Variants in GRB2 observed in about 807,000 individuals in gnomAD.
GRB2 encodes growth factor receptor-bound protein 2.
GRB2 carries 2 observed loss-of-function variants against 27.4 expected under a neutral mutation model. The observed-to-expected ratio is 0.07, with a 90% CI of 0.03 to 0.23. GRB2 has a LOEUF of 0.23. Ranked by LOEUF, GRB2 falls within the 10% of genes least tolerant of loss-of-function variation. The pLI is 1.00. For synonymous variants in GRB2, 94 were observed against 99.6 expected (o/e 0.94, Z 0.33); for missense variants, 102 against 282.4 (o/e 0.36, Z 4.58).
chr17:75,338,924 T>G, intron 2 of GRB2: 1 of 970,170 alleles, frequency 1.0e-6, no homozygotes, highest in Non-Finnish European at 1.7e-6. Context: ...AAGGATTCTC[T>G]GTATGCCCAG....
intron 2 of GRB2, among the ~76,000 whole-genome samples, chr17:75,392,664 AG>A (rs34646033): frequency 6.6e-6 from 1 of 152,234 alleles, no homozygotes; most frequent in African/African-American, 2.4e-5. Context: ...CTTGAGACAC[AG>A]GGAACACTCA....
intron 2 of GRB2, among the ~76,000 whole-genome samples, chr17:75,368,453 TGA>T (rs2078834519): frequency 6.6e-6 from 1 of 151,830 alleles, no homozygotes; most frequent in Non-Finnish European, 1.5e-5. Flanking sequence ...CTCAAACTCT[TGA>T]CCTCGTGATC....
intron 4 of GRB2, 70 bp downstream of exon 4, chr17:75,325,828 T>C: frequency 6.5e-7 from 1 of 1,534,026 alleles, no homozygotes; most frequent in African/African-American, 1.4e-5. Flanking sequence ...GCCAGGCACC[T>C]GACCAACGGC....
At chr17:75,327,898 C>A (rs2078510720) in intron 3 of GRB2, among the ~76,000 whole-genome samples, 1 of 152,052 alleles carries the variant, frequency 6.6e-6, no homozygotes, top group South Asian at 2.1e-4. Context: ...TACTCTACTG[C>A]CAGGATGCTG....
chr17:75,348,701 G>T (rs1029830034), intron 2 of GRB2, among the ~76,000 whole-genome samples: 1 of 152,158 alleles, frequency 6.6e-6, no homozygotes, highest in Non-Finnish European at 1.5e-5. Flanking sequence ...TAGAGACAGG[G>T]TCTTACTCTG....
At chr17:75,388,853 T>C (rs1284682888) in intron 2 of GRB2, among the ~76,000 whole-genome samples, 5 of 152,222 alleles carry the variant, frequency 3.3e-5, no homozygotes, top group East Asian at 3.9e-4. Flanking sequence ...GGCTCTCCAC[T>C]GATCTTCTCC....
At chr17:75,332,345 C>T (rs1489077542) in intron 3 of GRB2, among the ~76,000 whole-genome samples, 1 of 152,060 alleles carries the variant, frequency 6.6e-6, no homozygotes, top group Non-Finnish European at 1.5e-5. Context: ...ACAGCATTAG[C>T]ACATATAAAC....
intron 1 of GRB2, chr17:75,404,888 T>C (rs1403366167): frequency 6.6e-6 from 1 of 152,136 alleles, no homozygotes; most frequent in African/African-American, 2.4e-5. Context: ...GCGCCCGCTC[T>C]CGCCGCAATC....
rs566222372 is a variant in GRB2, at chr17:75,392,827, C to G, written c.78+724G>C. 1.1e-3 allele frequency among the ~76,000 whole-genome samples: 170 copies of G among 152,288 alleles called. 2 individuals are homozygous for G. The highest frequency in any genetic ancestry group is 4.0e-3 in the African/African-American group (168 of 41,544). ...AACATGTGCTGGGGGAGAGCGAATC[C>G]TCACATAAATAGTGGGGCTCAAAAT... On this transcript the variant is annotated intron_variant, in intron 2 of 5. Coordinates refer to ENST00000316804, the MANE Select transcript of GRB2 (RefSeq NM_002086.5).
intron 3 of GRB2, among the ~76,000 whole-genome samples, chr17:75,327,497 A>T (rs1222942452): frequency 6.6e-6 from 1 of 151,576 alleles, no homozygotes; most frequent in Admixed American, 6.6e-5. Flanking sequence ...CAGCTTCCCT[A>T]GTAGCTGGGA....
At chr17:75,340,640 G>C (rs1330038895) in intron 2 of GRB2, among the ~76,000 whole-genome samples, 1 of 152,130 alleles carries the variant, frequency 6.6e-6, no homozygotes, top group Non-Finnish European at 1.5e-5. Flanking sequence ...GCCTGATTAC[G>C]TATTTTATTA....
At chr17:75,356,447 G>A (rs2078734409) in intron 2 of GRB2, among the ~76,000 whole-genome samples, 1 of 152,152 alleles carries the variant, frequency 6.6e-6, no homozygotes, top group Admixed American at 6.5e-5. Flanking sequence ...GGTCGAGGCT[G>A]CAATGAGCCA....
At chr17:75,400,749 C>T (rs34472315) in intron 1 of GRB2, among the ~76,000 whole-genome samples, 2,538 of 152,164 alleles carry the variant, frequency 0.017, 26 homozygotes, top group Non-Finnish European at 0.026. Flanking sequence ...TCAAGTGATC[C>T]GCCCACCTCG....
intron 4 of GRB2, among the ~76,000 whole-genome samples, chr17:75,323,371 C>T (rs1462106003): frequency 2.0e-5 from 3 of 152,260 alleles, no homozygotes; most frequent in African/African-American, 2.4e-5. Context: ...GTATATTCCA[C>T]GGCACTTCTG....
chr17:75,375,565 A>G (rs112758001), intron 2 of GRB2, among the ~76,000 whole-genome samples: 14 of 152,280 alleles, frequency 9.2e-5, no homozygotes, highest in African/African-American at 2.9e-4. Flanking sequence ...AAATCATACA[A>G]AGTATGTTCT....
chr17:75,377,588 CCT>C (rs1308686716), intron 2 of GRB2, among the ~76,000 whole-genome samples: 1 of 120,260 alleles, frequency 8.3e-6, no homozygotes, highest in Non-Finnish European at 1.7e-5. Flanking sequence ...AGAGCGAGAC[CCT>C]GTCTCAGAAA....
intron 2 of GRB2, among the ~76,000 whole-genome samples, chr17:75,365,318 C>T: frequency 6.6e-6 from 1 of 152,130 alleles, no homozygotes; most frequent in East Asian, 1.9e-4. Context: ...AAAAACAAAA[C>T]CCCGAAACCT....
chr17:75,375,903 T>C (rs1296445003), intron 2 of GRB2, among the ~76,000 whole-genome samples: 3 of 151,468 alleles, frequency 2.0e-5, no homozygotes, highest in Non-Finnish European at 2.9e-5. Context: ...TGGGCGCCTG[T>C]AGTCCCAGCT....
At chr17:75,364,083 G>T (rs1252674706) in intron 2 of GRB2, among the ~76,000 whole-genome samples, 32 of 151,950 alleles carry the variant, frequency 2.1e-4, no homozygotes, top group Non-Finnish European at 1.5e-5. Flanking sequence ...TGTCTCACAA[G>T]AACCACAAAC....
Sources: gnomAD v4.1 joint callset for allele counts (sites outside exome capture counted in the v4.1 genomes callset) on GRCh38, gnomAD v4.1.1 for gene constraint, MANE v1.5 for transcripts, NCBI Gene and HGNC (gene_info 2026-07-23, HGNC 2026-07-21) for gene names.